Variants in HAS3 observed in about 807,000 individuals in gnomAD.
HAS3 encodes HA synthase 3.
A neutral mutation model predicts 50.3 loss-of-function variants in HAS3; 27 were observed. The ratio of observed to expected loss-of-function variants is 0.54; its 90% confidence interval spans 0.40 to 0.74. The LOEUF is 0.74. Among genes scored for constraint, HAS3 ranks in the 30% least tolerant of loss-of-function variants. HAS3 has a pLI of 0.00. For synonymous variants in HAS3, 339 were observed against 310.9 expected, an observed-to-expected ratio of 1.09 and a Z score of -0.95; for missense variants, 517 against 742.8, an observed-to-expected ratio of 0.70 and a Z score of 3.53.
Position 69,114,657 on chromosome 16 carries a change from C to T in HAS3, c.1053C>T (p.Leu351=), listed in dbSNP as rs1386272650. The change falls in exon 4 of 4, where the codon CTC becomes CTT. Residue 351 remains leucine, a synonymous_variant. Coordinates refer to ENST00000569188, the MANE Select transcript of HAS3 (RefSeq NM_001199280.2). This position sits in a 1 kb window ranked among gnomAD's most constrained non-coding sequence, Gnocchi z 6.4. ...TETPTKYLRW[L]NQQTRWSKSY... The stretch of plus-strand genomic sequence containing the variant: ...CCCCCACTAAGTACCTCCGGTGGCT[C>T]AACCAGCAAACCCGCTGGAGCAAGT... The T allele has an allele frequency of 6.2e-7, 1 of 1,614,000 alleles. No individual in the cohort carries two copies. The highest frequency in any genetic ancestry group is 8.5e-7 in the Non-Finnish European group (1 of 1,180,018).
the HAS3 span, among the ~76,000 whole-genome samples, chr16:69,097,614 G>A: frequency 2.0e-5 from 3 of 152,272 alleles, no homozygotes; most frequent in East Asian, 5.8e-4. Flanking sequence ...CTTACAATGC[G>A]CACAGGAGAG....
chr16:69,110,041 C>T lies in HAS3; in HGVS notation c.636+10C>T. On this transcript the variant is annotated intron_variant, in intron 2 of 3. Coordinates refer to ENST00000569188, the MANE Select transcript of HAS3 (RefSeq NM_001199280.2). Reference sequence around the variant, plus strand: ...GGTGGACTACATCCAGGTAAGGGCGCCTCCCTAGGAGCGTGTGTACATGGG... The same window carrying T: ...GGTGGACTACATCCAGGTAAGGGCGTCTCCCTAGGAGCGTGTGTACATGGG... The T allele has an allele frequency of 1.9e-6, 3 of 1,597,610 alleles. No homozygotes were observed. Among genetic ancestry groups the T allele is most frequent in the Middle Eastern group, 1.9e-4 (1 of 5,246 alleles).
At chr16:69,113,701 GCCCAA>G (rs1961085813) in intron 3 of HAS3, among the ~76,000 whole-genome samples, 159 bp downstream of exon 3, 1 of 152,134 alleles carries the variant, frequency 6.6e-6, no homozygotes, top group African/African-American at 2.4e-5. Context: ...CCCCCTCACT[GCCCAA>G]CCCCTTTCTT....
intron 2 of HAS3, among the ~76,000 whole-genome samples, chr16:69,111,245 A>G (rs552587868): frequency 1.7e-5 from 2 of 116,912 alleles, no homozygotes; most frequent in African/African-American, 6.7e-5. Context: ...TACTTTTTGT[A>G]GTTTTAGTTA....
chr16:69,116,517 T>C lies in HAS3; in HGVS notation c.*1251T>C, dbSNP rs754384434. The C allele has an allele frequency of 2.0e-6, 2 of 985,322 alleles. No homozygotes were observed. The highest frequency in any genetic ancestry group is 2.4e-6 in the Non-Finnish European group (2 of 829,546). The allele number at this position is 985,322 out of a possible 1,614,324, so 61.0% of individuals were successfully genotyped here. On this transcript the variant is annotated 3_prime_UTR_variant, in exon 4 of 4. Coordinates refer to ENST00000569188, the MANE Select transcript of HAS3 (RefSeq NM_001199280.2). ...TGAACTCTCAAATCCAAAATGGTTATCTTTGAGACCATCCATTCTCCTCAG... is the reference window on the plus strand; with the variant it reads ...TGAACTCTCAAATCCAAAATGGTTACCTTTGAGACCATCCATTCTCCTCAG...
Position 69,115,454 on chromosome 16 carries a change from A to C in HAS3, c.*188A>C, listed in dbSNP as rs76552060. 1 of 1,297,812 alleles carries C rather than the reference A, an allele frequency of 7.7e-7. No homozygotes were observed. Among genetic ancestry groups the C allele is most frequent in the Non-Finnish European group, 9.7e-7 (1 of 1,027,386 alleles). The allele number at this position is 1,297,812 out of a possible 1,614,324, so 80.4% of individuals were successfully genotyped here. On this transcript the variant is annotated 3_prime_UTR_variant, in exon 4 of 4. Coordinates refer to ENST00000569188, the MANE Select transcript of HAS3 (RefSeq NM_001199280.2). ...GACAGCTCTGTTTAGAGGAGGCAAC[A>C]CTGATCCCCCAGATGCAGGGCTGCA...
chr16:69,101,045 T>C (rs573219891), upstream of HAS3, among the ~76,000 whole-genome samples: 6 of 152,282 alleles, frequency 3.9e-5, no homozygotes, highest in East Asian at 9.6e-4. Context: ...AGATCTCCCA[T>C]ACCCCATTCC....
At chr16:69,094,614 C>T in the HAS3 span, among the ~76,000 whole-genome samples, 1 of 152,108 alleles carries the variant, frequency 6.6e-6, no homozygotes, top group Admixed American at 6.6e-5. Context: ...AGCTCAGACC[C>T]CTCATGAGTC....
At chr16:69,112,342 T>G (rs2152258580) in intron 2 of HAS3, among the ~76,000 whole-genome samples, 1 of 152,216 alleles carries the variant, frequency 6.6e-6, no homozygotes, top group East Asian at 1.9e-4. Context: ...ATATGCCTGG[T>G]GGGGAGGTGG....
At chr16:69,103,407 T>C (rs548703418), upstream of HAS3, among the ~76,000 whole-genome samples, 12 of 152,170 alleles carry the variant, frequency 7.9e-5, no homozygotes, top group Non-Finnish European at 1.8e-4. Flanking sequence ...TTTCTTTCTT[T>C]CTTTTGAGAT....
rs1163253200 is a variant in HAS3, at chr16:69,114,615, C to G, written c.1011C>G (p.Ser337=). The change falls in exon 4 of 4, where the codon TCC becomes TCG. Residue 337 remains serine, a synonymous_variant. Coordinates refer to ENST00000569188, the MANE Select transcript of HAS3 (RefSeq NM_001199280.2). This position sits in a 1 kb window ranked among gnomAD's most constrained non-coding sequence, Gnocchi z 6.4. The part of the protein sequence containing the change: ...LGYRTKYTAR[S]KCLTETPTKY... ...ACCGAACTAAGTATACCGCGCGCTC[C>G]AAGTGCCTCACAGAGACCCCCACTA... 1.9e-6 allele frequency: 3 copies of G among 1,613,984 alleles called. No individual in the cohort carries two copies. The African/African-American group carries it at 4.0e-5, about 22-fold the overall frequency.
chr16:69,106,214 C>G lies in HAS3; in HGVS notation c.-1+427C>G, dbSNP rs145045323. The G allele has an allele frequency of 0.039, 5,951 of 152,464 alleles. 162 individuals carry two copies. Among genetic ancestry groups the G allele is most frequent in the South Asian group, 0.07 (339 of 4,838 alleles). 9.4% of individuals were successfully genotyped at this position (152,464 alleles called of 1,614,324 possible). A position where few individuals can be genotyped will look rare whatever the true frequency, so the allele number is the denominator to read the frequency against. On this transcript the variant is annotated intron_variant, in intron 1 of 3. Transcript: ENST00000569188. The surrounding 1 kb of genome is among the most constrained non-coding windows in gnomAD (Gnocchi z 5.5). ...GGTACTTAAGGGCGGCTCGGCTGGGCAGGCGGCAGTCGGAGCGCGCGGCGG... is the reference window on the plus strand; with the variant it reads ...GGTACTTAAGGGCGGCTCGGCTGGGGAGGCGGCAGTCGGAGCGCGCGGCGG...
the HAS3 span, among the ~76,000 whole-genome samples, chr16:69,092,600 C>CAAAA: frequency 1.0e-5 from 1 of 99,386 alleles, no homozygotes; most frequent in Non-Finnish European, 2.1e-5. Context: ...AACTCCGTCT[C>CAAAA]AAAAAAAAAA....
At chr16:69,105,913 C>G (rs916971474) in intron 1 of HAS3, 126 bp downstream of exon 1, 2 of 152,284 alleles carry the variant, frequency 1.3e-5, no homozygotes, top group African/African-American at 4.8e-5. Flanking sequence ...AGCCCAATGA[C>G]CGTCTTGCCT....
chr16:69,101,319 G>A (rs1324052247), upstream of HAS3, among the ~76,000 whole-genome samples: 1 of 151,966 alleles, frequency 6.6e-6, no homozygotes, highest in Admixed American at 6.6e-5. Context: ...TTTTTATTTT[G>A]AGGCAAAGTC....
chr16:69,099,933 G>A, the HAS3 span, among the ~76,000 whole-genome samples: 3 of 151,850 alleles, frequency 2.0e-5, no homozygotes, highest in Non-Finnish European at 4.4e-5. Flanking sequence ...TTTGATATTC[G>A]GTTATCGGTC....
At chr16:69,113,113 C>T (rs1457147816) in intron 2 of HAS3, among the ~76,000 whole-genome samples, 1 of 152,198 alleles carries the variant, frequency 6.6e-6, no homozygotes, top group East Asian at 1.9e-4. Context: ...CATCTGATTT[C>T]AGTGACGTTT....
the HAS3 span, among the ~76,000 whole-genome samples, chr16:69,100,586 G>A: frequency 6.6e-6 from 1 of 152,120 alleles, no homozygotes; most frequent in Non-Finnish European, 1.5e-5. Context: ...GAGCTTGGAT[G>A]CCCCTCCTCC....
At chr16:69,099,762 T>C in the HAS3 span, among the ~76,000 whole-genome samples, 1 of 152,222 alleles carries the variant, frequency 6.6e-6, no homozygotes, top group African/African-American at 2.4e-5. Flanking sequence ...AACGTGTTTT[T>C]TTAGTAGCTG....
Sources: gnomAD v4.1 joint callset for allele counts (sites outside exome capture counted in the v4.1 genomes callset) on GRCh38, gnomAD v4.1.1 for gene constraint, Gnocchi (gnomAD v3.1) non-coding constraint, MANE v1.5 for transcripts, NCBI Gene and HGNC (gene_info 2026-07-23, HGNC 2026-07-21) for gene names.